Variants in RPS6KC1 observed in about 807,000 individuals in gnomAD.
RPS6KC1 encodes inactive ribosomal protein S6 kinase delta-1.
Under a neutral mutation model 103.8 loss-of-function variants are expected in RPS6KC1, and 54 were observed. The observed-to-expected ratio is 0.52, with a 90% CI of 0.42 to 0.65. The LOEUF (loss-of-function observed/expected upper bound fraction) is 0.65, where lower values mean the gene tolerates loss of function less well. Among genes scored for constraint, RPS6KC1 ranks in the 30% least tolerant of loss-of-function variants. The pLI is 0.00. For synonymous variants in RPS6KC1, 439 were observed against 438.7 expected, an observed-to-expected ratio of 1.00 and a Z score of -0.01; for missense variants, 1,151 against 1,253.8, an observed-to-expected ratio of 0.92 and a Z score of 1.24.
the RPS6KC1 span, among the ~76,000 whole-genome samples, chr1:213,503,109 C>G: frequency 3.2e-3 from 492 of 151,886 alleles, no homozygotes; most frequent in Non-Finnish European, 5.9e-3. Context: ...TACTTCACAA[C>G]CTTTTTTTTT....
chr1:213,264,605 A>G (rs1444643774), intron 14 of RPS6KC1, among the ~76,000 whole-genome samples: 1 of 152,200 alleles, frequency 6.6e-6, no homozygotes, highest in African/African-American at 2.4e-5. Flanking sequence ...TCAGATATGT[A>G]TAGCTTATAT....
At chr1:213,587,066 A>G in the RPS6KC1 span, among the ~76,000 whole-genome samples, 1 of 152,142 alleles carries the variant, frequency 6.6e-6, no homozygotes, top group African/African-American at 2.4e-5. Flanking sequence ...TAACTCATCT[A>G]TTCCGCACCT....
chr1:213,291,984 C>A, the RPS6KC1 span, among the ~76,000 whole-genome samples: 1 of 152,050 alleles, frequency 6.6e-6, no homozygotes, highest in Non-Finnish European at 1.5e-5. Context: ...GTTTTTCCAG[C>A]ACCATTTATT....
At chr1:213,805,777 A>G in the RPS6KC1 span, among the ~76,000 whole-genome samples, 1 of 152,180 alleles carries the variant, frequency 6.6e-6, no homozygotes, top group African/African-American at 2.4e-5. Context: ...ATTTTAATTG[A>G]CTTTGGCCAG....
the RPS6KC1 span, chr1:213,837,344 A>G: frequency 6.6e-6 from 1 of 152,230 alleles, no homozygotes; most frequent in Non-Finnish European, 1.5e-5. Context: ...AAAATTTAAA[A>G]TCACATAGAT....
At chr1:213,762,149 G>A in the RPS6KC1 span, among the ~76,000 whole-genome samples, 1 of 152,176 alleles carries the variant, frequency 6.6e-6, no homozygotes, top group Non-Finnish European at 1.5e-5. Flanking sequence ...GAGGTGCGCT[G>A]TCTCGGGCAG....
At chr1:213,363,634 CTTTCTTT>C in the RPS6KC1 span, among the ~76,000 whole-genome samples, 1 of 28,744 alleles carries the variant, frequency 3.5e-5, no homozygotes, top group African/African-American at 2.2e-4. Context: ...TGCTTTCTTT[CTTTCTTT>C]CTTTCTTTCT....
chr1:213,545,430 T>TAAAAA, the RPS6KC1 span, among the ~76,000 whole-genome samples: 1 of 61,892 alleles, frequency 1.6e-5, no homozygotes, highest in African/African-American at 3.4e-5. Context: ...TAAAATAAAA[T>TAAAAA]AAAAGAGAGA....
the RPS6KC1 span, among the ~76,000 whole-genome samples, chr1:213,286,056 A>G: frequency 8.2e-4 from 125 of 152,360 alleles, no homozygotes; most frequent in African/African-American, 2.9e-3. Flanking sequence ...GGAATGTCAT[A>G]ATTCTGCCAT....
intron 6 of RPS6KC1, among the ~76,000 whole-genome samples, chr1:213,163,750 C>G (rs1020621126): frequency 2.0e-5 from 3 of 151,880 alleles, no homozygotes; most frequent in African/African-American, 7.3e-5. Flanking sequence ...TAAAGATGTT[C>G]AAGAGACCAG....
chr1:213,764,712 G>A, the RPS6KC1 span, among the ~76,000 whole-genome samples: 1 of 152,118 alleles, frequency 6.6e-6, no homozygotes, highest in African/African-American at 2.4e-5. Context: ...GCAACCCCAG[G>A]TGCAAGCTGG....
chr1:213,345,890 T>C, the RPS6KC1 span, among the ~76,000 whole-genome samples: 2 of 152,218 alleles, frequency 1.3e-5, no homozygotes, highest in African/African-American at 2.4e-5. Flanking sequence ...CTTCTTTTCT[T>C]TCTGAGATCT....
At chr1:213,514,800 G>A in the RPS6KC1 span, among the ~76,000 whole-genome samples, 4 of 152,158 alleles carry the variant, frequency 2.6e-5, no homozygotes, top group South Asian at 6.2e-4. Context: ...CTGAGGAATC[G>A]CCACACTGAC....
the RPS6KC1 span, among the ~76,000 whole-genome samples, chr1:213,285,024 G>A: frequency 6.6e-6 from 1 of 152,212 alleles, no homozygotes; most frequent in Non-Finnish European, 1.5e-5. Flanking sequence ...AACTCAGAAA[G>A]TATTTTTCCC....
chr1:213,490,448 C>T, the RPS6KC1 span, among the ~76,000 whole-genome samples: 1 of 152,158 alleles, frequency 6.6e-6, no homozygotes, highest in African/African-American at 2.4e-5. Flanking sequence ...TTTCTGCTTC[C>T]CTCTTGACTC....
At chr1:213,777,757 T>C in the RPS6KC1 span, among the ~76,000 whole-genome samples, 1 of 152,242 alleles carries the variant, frequency 6.6e-6, no homozygotes. Flanking sequence ...TTATCTTTTG[T>C]GGGCTATTTT....
chr1:213,493,157 T>C, the RPS6KC1 span, among the ~76,000 whole-genome samples: 3 of 152,236 alleles, frequency 2.0e-5, no homozygotes, highest in Non-Finnish European at 2.9e-5. Flanking sequence ...ATAAGGTTTG[T>C]ATTTAAGTAG....
chr1:213,078,627 A>G (rs1213359373), intron 3 of RPS6KC1, among the ~76,000 whole-genome samples: 1 of 152,054 alleles, frequency 6.6e-6, no homozygotes, highest in Non-Finnish European at 1.5e-5. Context: ...GTCTCAAACT[A>G]CTGACCTCAA....
At chr1:213,709,193 G>T in the RPS6KC1 span, among the ~76,000 whole-genome samples, 7 of 152,208 alleles carry the variant, frequency 4.6e-5, no homozygotes, top group South Asian at 8.3e-4. Context: ...GCTTTTTTTG[G>T]TTGGTAGGCT....
Sources: allele counts gnomAD v4.1 joint callset (sites outside exome capture counted in the v4.1 genomes callset), GRCh38; gene constraint gnomAD v4.1.1; transcripts MANE v1.5; gene names NCBI Gene and HGNC (gene_info 2026-07-23, HGNC 2026-07-21).